The following FAM124A variants were observed in gnomAD, a reference collection of about 807,000 sequenced individuals.
The protein encoded by FAM124A is protein FAM124A.
In FAM124A, 23 loss-of-function variants were observed where a neutral mutation model predicts 24.5. That is an observed-to-expected ratio of 0.94 (90% CI 0.68 to 1.33). The LOEUF (loss-of-function observed/expected upper bound fraction) is 1.33. FAM124A is among the 40% of genes most tolerant of loss of function. The pLI is 0.00. For synonymous variants in FAM124A, 287 were observed against 314.7 expected (o/e 0.91, Z 0.93); for missense variants, 623 against 722.8 (o/e 0.86, Z 1.58).
intron 3 of FAM124A, among the ~76,000 whole-genome samples, chr13:51,275,898 G>T (rs1954881686): frequency 6.6e-6 from 1 of 152,192 alleles, no homozygotes. Context: ...AGTGCATGTT[G>T]TTCACCAAAT....
chr13:51,224,968 G>T (rs1027546749), intron 1 of FAM124A, among the ~76,000 whole-genome samples: 1 of 152,072 alleles, frequency 6.6e-6, no homozygotes, highest in African/African-American at 2.4e-5. Flanking sequence ...TGTCTGCCAG[G>T]TGAAACTCTA....
Position 51,251,458 on chromosome 13 carries a change from G to A in FAM124A, c.101-10G>A, listed in dbSNP as rs1445610382. On this transcript the variant is annotated splice_polypyrimidine_tract_variant and intron_variant, in intron 2 of 3. Coordinates refer to ENST00000322475, the MANE Select transcript of FAM124A (RefSeq NM_001242312.2). This position sits in a 1 kb window ranked among gnomAD's most constrained non-coding sequence, Gnocchi z 5.3. ...ATTCATTCATCCATTCGTTTTTTGC[G>A]TGCCCCCAGGTGAGCTTTCCGTTGA... The A allele has an allele frequency of 1.6e-5, 24 of 1,485,150 alleles. No homozygotes were observed. Among genetic ancestry groups the A allele is most frequent in the Non-Finnish European group, 1.8e-5 (20 of 1,116,676 alleles). The allele number at this position is 1,485,150 out of a possible 1,614,324, so 92.0% of individuals were successfully genotyped here. A position where few individuals can be genotyped will look rare whatever the true frequency, so the allele number is the denominator to read the frequency against.
At chr13:51,244,906 G>A (rs866757510) in intron 2 of FAM124A, among the ~76,000 whole-genome samples, 44 of 152,206 alleles carry the variant, frequency 2.9e-4, no homozygotes, top group Non-Finnish European at 4.3e-4. Context: ...CATGATTTCA[G>A]AGCCCCAGCC....
intron 2 of FAM124A, among the ~76,000 whole-genome samples, chr13:51,247,495 C>A (rs1258694724): frequency 6.6e-6 from 1 of 152,182 alleles, no homozygotes; most frequent in African/African-American, 2.4e-5. Context: ...TGTTAGCTAA[C>A]ATGTCACCCT....
chr13:51,230,460 A>T (rs545785641), intron 1 of FAM124A, among the ~76,000 whole-genome samples: 2 of 152,392 alleles, frequency 1.3e-5, no homozygotes, highest in African/African-American at 4.8e-5. Context: ...GTTTATTTGC[A>T]TAACTTCGTC....
chr13:51,277,567 G>T (rs916956016), intron 3 of FAM124A, among the ~76,000 whole-genome samples: 3 of 152,220 alleles, frequency 2.0e-5, no homozygotes, highest in African/African-American at 7.2e-5. Context: ...GGCCGAGGCG[G>T]GTGGACCACG....
chr13:51,259,146 C>T (rs73490189), intron 3 of FAM124A, among the ~76,000 whole-genome samples: 4,847 of 152,254 alleles, frequency 0.032, 267 homozygotes, highest in African/African-American at 0.11. Context: ...TGCTCTACCT[C>T]AGGACGCTTG....
chr13:51,252,064 C>T lies in FAM124A; in HGVS notation c.697C>T (p.Pro233Ser), dbSNP rs139061272. Residue 233 changes from proline (P) to serine (S), a missense_variant, in exon 3 of 4, where the codon CCC (proline) becomes TCC (serine). Transcript: ENST00000322475. ...ACTGCCCTGTGACCAGTGCCCGGTG[C>T]CCACCGACTCCTCCGTGCTGGAGTT... is the stretch of plus-strand genomic sequence containing the variant. ...KRLPCDQCPVPTDSSVLEFRV... is the reference protein window; with the variant it reads ...KRLPCDQCPVSTDSSVLEFRV... 1 of 1,613,968 alleles carries T rather than the reference C, an allele frequency of 6.2e-7. No individual in the cohort carries two copies. The highest frequency in any genetic ancestry group is 1.3e-5 in the African/African-American group (1 of 74,912).
intron 2 of FAM124A, among the ~76,000 whole-genome samples, chr13:51,236,613 C>T (rs139155612): frequency 1.3e-5 from 2 of 152,284 alleles, no homozygotes; most frequent in South Asian, 2.1e-4. Context: ...CTCACCAATG[C>T]GGAATATGTG....
chr13:51,232,761 G>C (rs887890973), intron 2 of FAM124A, among the ~76,000 whole-genome samples: 2 of 152,118 alleles, frequency 1.3e-5, no homozygotes, highest in African/African-American at 4.8e-5. Flanking sequence ...ATTCCACTCA[G>C]TTTTGCCCAG....
intron 1 of FAM124A, among the ~76,000 whole-genome samples, chr13:51,224,882 G>A (rs922236524): frequency 1.3e-5 from 2 of 151,816 alleles, no homozygotes; most frequent in Non-Finnish European, 2.9e-5. Context: ...CCTTCTTTGC[G>A]CCTTGTATTT....
Position 51,280,833 on chromosome 13 carries a change from A to C in FAM124A, c.1218A>C (p.Leu406=), listed in dbSNP as rs1566177303. 5 of 1,614,156 alleles carry C rather than the reference A, an allele frequency of 3.1e-6. No homozygotes were observed. Among genetic ancestry groups the C allele is most frequent in the Non-Finnish European group, 3.4e-6 (4 of 1,180,024 alleles). ...RHGHLLSIDD[L]EGAQETDVDT... ...GCCACCTCCTCTCCATCGATGACCT[A>C]GAGGGGGCCCAGGAGACAGACGTGG... The change falls in exon 4 of 4, where the codon CTA becomes CTC. Residue 406 remains leucine, a synonymous_variant. Transcript: ENST00000322475.
At chr13:51,262,160 C>T (rs777492292) in intron 3 of FAM124A, among the ~76,000 whole-genome samples, 10 of 152,340 alleles carry the variant, frequency 6.6e-5, no homozygotes, top group Non-Finnish European at 1.3e-4. Context: ...CTTCAAAAAG[C>T]AGAGACCAAA....
chr13:51,267,394 A>G (rs1954799129), intron 3 of FAM124A, among the ~76,000 whole-genome samples: 1 of 152,184 alleles, frequency 6.6e-6, no homozygotes, highest in South Asian at 2.1e-4. Flanking sequence ...GCTTATCTGA[A>G]ATACTTGTAG....
chr13:51,277,243 A>G (rs1954893791), intron 3 of FAM124A, among the ~76,000 whole-genome samples: 1 of 151,338 alleles, frequency 6.6e-6, no homozygotes, highest in South Asian at 2.1e-4. Flanking sequence ...GTCAAATACC[A>G]CATGTTCTCA....
intron 2 of FAM124A, among the ~76,000 whole-genome samples, chr13:51,233,920 TCTCCCA>T (rs1954406860): frequency 2.6e-5 from 4 of 152,288 alleles, no homozygotes; most frequent in African/African-American, 9.6e-5. Context: ...TTACAGGGCC[TCTCCCA>T]GTCACAGTTG....
intron 2 of FAM124A, among the ~76,000 whole-genome samples, chr13:51,236,068 C>T (rs930016472): frequency 3.3e-5 from 5 of 152,180 alleles, no homozygotes; most frequent in South Asian, 2.1e-4. Flanking sequence ...CCCTTCCTGT[C>T]GACATCCTCC....
chr13:51,249,282 G>C (rs1034372244), intron 2 of FAM124A, among the ~76,000 whole-genome samples: 49 of 152,152 alleles, frequency 3.2e-4, no homozygotes, highest in Admixed American at 6.5e-5. Context: ...TAGTAAGTTG[G>C]AATTGCTCTA....
intron 3 of FAM124A, among the ~76,000 whole-genome samples, chr13:51,260,777 G>A (rs1214522488): frequency 6.6e-6 from 1 of 152,134 alleles, no homozygotes; most frequent in Non-Finnish European, 1.5e-5. Context: ...ATAAAAACCT[G>A]GAGGGCTTGT....
Sources: allele counts gnomAD v4.1 joint callset (sites outside exome capture counted in the v4.1 genomes callset), GRCh38; gene constraint gnomAD v4.1.1; non-coding constraint Gnocchi (gnomAD v3.1); transcripts MANE v1.5; gene names NCBI Gene and HGNC (gene_info 2026-07-23, HGNC 2026-07-21).